Variants in PCBP3 observed in about 807,000 individuals in gnomAD.
The protein encoded by PCBP3 is poly(rC) binding protein 3, also known as poly(rC)-binding protein 3.
PCBP3 carries 25 observed loss-of-function variants against 52.7 expected under a neutral mutation model. The observed-to-expected ratio is 0.47, with a 90% CI of 0.35 to 0.66. PCBP3 has a LOEUF of 0.66. Among genes scored for constraint, PCBP3 ranks in the 30% least tolerant of loss-of-function variants. PCBP3 has a pLI of 0.01. For synonymous variants in PCBP3, 162 were observed against 183.0 expected (o/e 0.89, Z 0.93); for missense variants, 391 against 490.3 (o/e 0.80, Z 1.91).
At chr21:45,674,725 T>C in intron 2 of PCBP3, among the ~76,000 whole-genome samples, 1 of 152,294 alleles carries the variant, frequency 6.6e-6, no homozygotes, top group Middle Eastern at 3.4e-3. Flanking sequence ...TTCATATGAT[T>C]AGTGTGGAGG....
chr21:45,797,098 G>A (rs185216730), intron 4 of PCBP3, among the ~76,000 whole-genome samples: 6 of 152,332 alleles, frequency 3.9e-5, no homozygotes, highest in Non-Finnish European at 5.9e-5. Context: ...GAAACACATG[G>A]TACAGTATTT....
intron 9 of PCBP3, among the ~76,000 whole-genome samples, chr21:45,901,840 T>A (rs1284326892): frequency 6.6e-6 from 1 of 152,234 alleles, no homozygotes; most frequent in Admixed American, 6.5e-5. Context: ...TTTATGTGTT[T>A]CTAATTTTCT....
chr21:45,900,719 T>A, intron 8 of PCBP3, 96 bp downstream of exon 8: 1 of 1,000,420 alleles, frequency 1.0e-6, no homozygotes, highest in Non-Finnish European at 1.6e-6. Flanking sequence ...CCTGTGCTCT[T>A]GGCCAGCCGG....
intron 4 of PCBP3, among the ~76,000 whole-genome samples, chr21:45,840,279 T>C (rs368448531): frequency 1.2e-3 from 175 of 151,410 alleles, no homozygotes; most frequent in African/African-American, 3.8e-3. Context: ...GGTGAAACCC[T>C]GTCTCTACTA....
At chr21:45,747,928 C>T (rs1198043714) in intron 3 of PCBP3, 1 of 152,244 alleles carries the variant, frequency 6.6e-6, no homozygotes, top group African/African-American at 2.4e-5. Flanking sequence ...GTGCTGCCCT[C>T]CCGGAGGTTG....
intron 1 of PCBP3, among the ~76,000 whole-genome samples, chr21:45,644,083 A>G (rs2079093718): frequency 6.7e-6 from 1 of 149,754 alleles, no homozygotes; most frequent in South Asian, 2.1e-4. Context: ...GCGCTCCCTC[A>G]AGGTGCGGTC....
Position 45,941,728 on chromosome 21 carries a change from C to A in PCBP3, c.*22C>A. 1 of 1,594,276 alleles carries A rather than the reference C, an allele frequency of 6.3e-7. No individual in the cohort carries two copies. The highest frequency in any genetic ancestry group is 8.6e-7 in the Non-Finnish European group (1 of 1,169,532). On this transcript the variant is annotated 3_prime_UTR_variant, in exon 18 of 18. Transcript: ENST00000681687. ...GTAATCCTACCCAGCACCCTTCCCC[C>A]GCGTCACCCACCTGCCAGAGCCTAA...
intron 1 of PCBP3, among the ~76,000 whole-genome samples, chr21:45,654,338 ATTTTTT>A (rs398036499): frequency 3.7e-5 from 4 of 109,390 alleles, no homozygotes; most frequent in African/African-American, 1.4e-4. Context: ...TAGACATTGC[ATTTTTT>A]TTTTTTTTTT....
intron 3 of PCBP3, among the ~76,000 whole-genome samples, chr21:45,740,466 G>A (rs960981775): frequency 2.0e-5 from 3 of 152,236 alleles, no homozygotes; most frequent in African/African-American, 7.2e-5. Flanking sequence ...TAAAATGACA[G>A]GCAAGATGTT....
At chr21:45,798,975 TGC>T (rs2092166089) in intron 4 of PCBP3, among the ~76,000 whole-genome samples, 1 of 149,834 alleles carries the variant, frequency 6.7e-6, no homozygotes, top group African/African-American at 2.5e-5. Flanking sequence ...AGAGAGTGAA[TGC>T]GTACATGGAT....
chr21:45,778,486 C>T (rs898005455), intron 4 of PCBP3, among the ~76,000 whole-genome samples: 5 of 152,186 alleles, frequency 3.3e-5, no homozygotes, highest in East Asian at 3.9e-4. Context: ...CTGGCATGGG[C>T]GATGACAATA....
intron 4 of PCBP3, among the ~76,000 whole-genome samples, chr21:45,849,444 G>T (rs2148178116): frequency 6.6e-6 from 1 of 152,074 alleles, no homozygotes; most frequent in East Asian, 1.9e-4. Flanking sequence ...GACCTTAAGT[G>T]ATCCTCCCGT....
In PCBP3 at chr21:45,850,182, T is replaced by A; in HGVS notation, c.10+87T>A. On this transcript the variant is annotated intron_variant, in intron 5 of 17. Coordinates refer to ENST00000681687, the MANE Select transcript of PCBP3 (RefSeq NM_001384156.1). Reference sequence around the variant, plus strand: ...AGACTTACCCTTGACAAATGAAATCTGTTTGAAGTGACACAGTGCTGTATT... The same window carrying A: ...AGACTTACCCTTGACAAATGAAATCAGTTTGAAGTGACACAGTGCTGTATT... 3 of 1,081,762 alleles carry A rather than the reference T, an allele frequency of 2.8e-6. No homozygotes were observed. In the East Asian group the frequency reaches 7.7e-5, roughly 28 times the overall value. 67.0% of individuals were successfully genotyped at this position (1,081,762 alleles called of 1,614,324 possible).
At chr21:45,847,039 G>A (rs1230352786) in intron 4 of PCBP3, among the ~76,000 whole-genome samples, 2 of 152,174 alleles carry the variant, frequency 1.3e-5, no homozygotes, top group Admixed American at 6.5e-5. Context: ...TGTATTTAAT[G>A]TGTGTGTTGT....
At chr21:45,914,634 C>G (rs1369209427) in intron 12 of PCBP3, 1 of 153,026 alleles carries the variant, frequency 6.5e-6, no homozygotes, top group African/African-American at 2.4e-5. Context: ...TGTTCTCCCG[C>G]CAGGGATGGC....
intron 9 of PCBP3, among the ~76,000 whole-genome samples, chr21:45,902,220 G>A (rs1028489471): frequency 2.5e-4 from 38 of 150,696 alleles, no homozygotes; most frequent in African/African-American, 9.0e-4. Flanking sequence ...GCCGACTGCA[G>A]CAGAGCCTGT....
chr21:45,834,888 C>T (rs758754108), intron 4 of PCBP3, among the ~76,000 whole-genome samples: 23 of 152,222 alleles, frequency 1.5e-4, no homozygotes, highest in Admixed American at 1.1e-3. Context: ...CAACCCAGCT[C>T]GGGAGGCCTG....
intron 4 of PCBP3, among the ~76,000 whole-genome samples, chr21:45,818,844 G>C (rs536592911): frequency 6.6e-6 from 1 of 152,358 alleles, no homozygotes; most frequent in East Asian, 1.9e-4. Context: ...GAAATGAGCT[G>C]TCAAACCATG....
chr21:45,917,337 T>C lies in PCBP3; in HGVS notation c.676-251T>C. 2.3e-6 allele frequency: 1 copy of C among 437,814 alleles called. No homozygotes were observed. Among genetic ancestry groups the C allele is most frequent in the East Asian group, 3.7e-5 (1 of 27,126 alleles). The allele number at this position is 437,814 out of a possible 1,614,324, so 27.1% of individuals were successfully genotyped here. On this transcript the variant is annotated intron_variant, in intron 12 of 17. Coordinates refer to ENST00000681687, the MANE Select transcript of PCBP3 (RefSeq NM_001384156.1). This position sits in a 1 kb window ranked among gnomAD's most constrained non-coding sequence, Gnocchi z 5.3. ...AACTTGGAGTCGGAAGCATCAAGGC[T>C]GAACTGTTTCCCTCCCACCCGCTGA...
Sources: gnomAD v4.1 joint callset for allele counts (sites outside exome capture counted in the v4.1 genomes callset) on GRCh38, gnomAD v4.1.1 for gene constraint, Gnocchi (gnomAD v3.1) non-coding constraint, MANE v1.5 for transcripts, NCBI Gene and HGNC (gene_info 2026-07-23, HGNC 2026-07-21) for gene names.